Variants in XRN2 observed in about 807,000 individuals in gnomAD.
XRN2 encodes 5'-3' exoribonuclease 2.
A neutral mutation model predicts 138.5 loss-of-function variants in XRN2; 44 were observed. That is an observed-to-expected ratio of 0.32 (90% CI 0.25 to 0.41). The LOEUF (loss-of-function observed/expected upper bound fraction) is 0.41. Among genes scored for constraint, XRN2 ranks in the 10% least tolerant of loss-of-function variants. The probability of loss-of-function intolerance (pLI) is 1.00; values close to 1 mark genes in which losing one functional copy is unlikely to be tolerated. For missense variants in XRN2, 937 were observed against 1,169.3 expected (o/e 0.80, Z 2.90); for synonymous variants, 354 against 369.4 (o/e 0.96, Z 0.48).
chr20:21,357,830 C>G, intron 24 of XRN2, 38 bp downstream of exon 24: 1 of 1,541,136 alleles, frequency 6.5e-7, no homozygotes, highest in Non-Finnish European at 8.8e-7. Flanking sequence ...ACCCAGAACA[C>G]AGCTCTGAAC....
intron 1 of XRN2, among the ~76,000 whole-genome samples, chr20:21,312,305 T>A (rs2037892437): frequency 6.6e-6 from 1 of 152,096 alleles, no homozygotes; most frequent in African/African-American, 2.4e-5. Context: ...TATTTTTTTT[T>A]AGTAGAGACA....
chr20:21,371,554 T>G (rs1164997580), intron 27 of XRN2, among the ~76,000 whole-genome samples: 2 of 152,238 alleles, frequency 1.3e-5, no homozygotes, highest in Non-Finnish European at 2.9e-5. Context: ...CAGTATCAAG[T>G]CATACCATGT....
chr20:21,332,486 A>G (rs375460493), intron 9 of XRN2, 46 bp downstream of exon 9: 5 of 1,478,106 alleles, frequency 3.4e-6, no homozygotes, highest in East Asian at 2.3e-5. Flanking sequence ...AAAAAAATCT[A>G]TTGTGGTAAA....
intron 1 of XRN2, among the ~76,000 whole-genome samples, chr20:21,318,687 C>T (rs938069774): frequency 6.6e-6 from 1 of 151,816 alleles, no homozygotes; most frequent in Non-Finnish European, 1.5e-5. Context: ...TCTGGTTTCC[C>T]GTTTGATTTC....
At chr20:21,381,343 C>A (rs1013739132) in intron 27 of XRN2, among the ~76,000 whole-genome samples, 4 of 152,190 alleles carry the variant, frequency 2.6e-5, no homozygotes, top group Non-Finnish European at 5.9e-5. Flanking sequence ...CCAGATGTTT[C>A]TTTCATCCTA....
chr20:21,303,862 C>T (rs2037776444), intron 1 of XRN2: 3 of 985,134 alleles, frequency 3.0e-6, no homozygotes, highest in African/African-American at 1.7e-5. Context: ...GCTGAGCTAG[C>T]GGGTTATGGA....
chr20:21,356,303 G>A, intron 22 of XRN2, 126 bp downstream of exon 22: 1 of 728,450 alleles, frequency 1.4e-6, no homozygotes, highest in East Asian at 2.8e-5. Context: ...TATATTTCCA[G>A]TGTTGTATAA....
chr20:21,322,589 A>G (rs1404107269), intron 1 of XRN2, among the ~76,000 whole-genome samples: 1 of 152,212 alleles, frequency 6.6e-6, no homozygotes, highest in African/African-American at 2.4e-5. Context: ...CAATGCATCT[A>G]CTGAGCTATT....
intron 13 of XRN2, among the ~76,000 whole-genome samples, chr20:21,337,584 G>A (rs1038440286): frequency 3.9e-5 from 6 of 152,138 alleles, no homozygotes; most frequent in Non-Finnish European, 7.3e-5. Flanking sequence ...TCCCATGGGA[G>A]GAGAGAAGTG....
chr20:21,324,539 C>G (rs1258777324), intron 1 of XRN2, among the ~76,000 whole-genome samples: 1 of 147,884 alleles, frequency 6.8e-6, no homozygotes, highest in Admixed American at 6.8e-5. Context: ...CCATCTAGCT[C>G]TAGCTCTTCC....
At position 21,346,475 on chromosome 20, in the gene XRN2, T is replaced by C. The variant is rs1241286975; in HGVS notation, c.1590T>C (p.Ala530=). The change falls in exon 17 of 30, where the codon GCT becomes GCC. Residue 530 remains alanine, a synonymous_variant. Transcript: ENST00000377191. ...YYKNKFDVDA[A]DEKFRRKVVQ... is the part of the protein sequence containing the mutation. Reference sequence around the variant, plus strand: ...AGAACAAATTTGATGTGGATGCAGCTGATGAGAAATTCCGTCGGAAAGTTG... The same window carrying C: ...AGAACAAATTTGATGTGGATGCAGCCGATGAGAAATTCCGTCGGAAAGTTG... 1 of 1,614,080 alleles carries C rather than the reference T, an allele frequency of 6.2e-7. No individual in the cohort carries two copies. Among genetic ancestry groups the C allele is most frequent in the Non-Finnish European group, 8.5e-7 (1 of 1,180,040 alleles).
intron 1 of XRN2, among the ~76,000 whole-genome samples, chr20:21,323,425 G>T (rs1051572046): frequency 3.0e-4 from 46 of 152,222 alleles, no homozygotes; most frequent in African/African-American, 1.1e-3. Flanking sequence ...TTGGTTTTAG[G>T]GTTCAGAGTG....
At chr20:21,322,661 G>A (rs1568570621) in intron 1 of XRN2, among the ~76,000 whole-genome samples, 1 of 151,892 alleles carries the variant, frequency 6.6e-6, no homozygotes, top group African/African-American at 2.4e-5. Context: ...TTCATTTTAG[G>A]GATATACTTC....
intron 15 of XRN2, among the ~76,000 whole-genome samples, chr20:21,341,997 G>A (rs917629619): frequency 1.3e-5 from 2 of 152,142 alleles, no homozygotes; most frequent in Admixed American, 1.3e-4. Flanking sequence ...CATAGGAGTA[G>A]TAATGGGGAG....
intron 27 of XRN2, among the ~76,000 whole-genome samples, 200 bp downstream of exon 27, chr20:21,368,790 A>C (rs1422312980): frequency 6.6e-6 from 1 of 152,148 alleles, no homozygotes; most frequent in Non-Finnish European, 1.5e-5. Flanking sequence ...TTGTGGGTAC[A>C]TTGTAGCTGT....
chr20:21,332,563 G>A, intron 9 of XRN2, 123 bp downstream of exon 9: 1 of 983,414 alleles, frequency 1.0e-6, no homozygotes, highest in Non-Finnish European at 1.4e-6. Flanking sequence ...TTAAATATTT[G>A]AGTTACCTTG....
chr20:21,377,703 A>T (rs566658875), intron 27 of XRN2, among the ~76,000 whole-genome samples: 3 of 152,110 alleles, frequency 2.0e-5, no homozygotes, highest in African/African-American at 7.2e-5. Flanking sequence ...ACATCTTGCT[A>T]TAAGAGGAAG....
intron 28 of XRN2, among the ~76,000 whole-genome samples, chr20:21,383,822 T>C (rs948592293): frequency 6.6e-6 from 1 of 152,172 alleles, no homozygotes; most frequent in Non-Finnish European, 1.5e-5. Context: ...TAGTGACAAG[T>C]TTTGTGGGAA....
chr20:21,311,565 T>C (rs2037881094), intron 1 of XRN2, among the ~76,000 whole-genome samples: 1 of 152,224 alleles, frequency 6.6e-6, no homozygotes. Context: ...TGCTTTCAGT[T>C]CTTTTGAGTA....
Sources: gnomAD v4.1 joint callset for allele counts (sites outside exome capture counted in the v4.1 genomes callset) on GRCh38, gnomAD v4.1.1 for gene constraint, MANE v1.5 for transcripts, NCBI Gene and HGNC (gene_info 2026-07-23, HGNC 2026-07-21) for gene names.